The following BAZ2B variants were observed in gnomAD, a reference collection of about 807,000 sequenced individuals.
The protein encoded by BAZ2B is bromodomain adjacent to zinc finger domain 2B.
A neutral mutation model predicts 246.0 loss-of-function variants in BAZ2B; 91 were observed. The ratio of observed to expected loss-of-function variants is 0.37; its 90% CI spans 0.31 to 0.44. The LOEUF is 0.44. Ranked by LOEUF, BAZ2B falls within the 20% of genes least tolerant of loss-of-function variation. The probability of loss-of-function intolerance (pLI) is 1.00; values close to 1 mark genes in which losing one functional copy is unlikely to be tolerated. For missense variants in BAZ2B, 2,332 were observed against 2,533.7 expected (o/e 0.92, Z 1.71); for synonymous variants, 855 against 860.0 (o/e 0.99, Z 0.10).
At chr2:159,578,333 AAAAAG>A (rs1192036163) in intron 1 of BAZ2B, among the ~76,000 whole-genome samples, 1 of 152,224 alleles carries the variant, frequency 6.6e-6, no homozygotes, top group Non-Finnish European at 1.5e-5. Flanking sequence ...AGTTCATAAA[AAAAAG>A]AAAAGTTCTA....
rs770844066 is a variant in BAZ2B at position 159,337,528 on chromosome 2, T to C, written c.5660+39A>G. On this transcript the variant is annotated intron_variant, in intron 32 of 36. Transcript: ENST00000392783. The stretch of plus-strand genomic sequence containing the variant: ...AGTAACTGTGCCCACATTATCCAGT[T>C]TGATCTGAATGGTGGTACTTAAGGG... 8 of 1,613,898 alleles carry C rather than the reference T, an allele frequency of 5.0e-6. No individual in the cohort carries two copies. The East Asian group carries it at 1.8e-4, about 36-fold the overall frequency.
chr2:159,672,067 A>T, the BAZ2B span, among the ~76,000 whole-genome samples: 1 of 152,168 alleles, frequency 6.6e-6, no homozygotes, highest in Non-Finnish European at 1.5e-5. Context: ...TAAACATTCT[A>T]AACTTTTGTA....
At chr2:159,594,176 G>T (rs1365334993) in intron 1 of BAZ2B, among the ~76,000 whole-genome samples, 1 of 152,214 alleles carries the variant, frequency 6.6e-6, no homozygotes, top group Non-Finnish European at 1.5e-5. Context: ...GGCCGAGGCG[G>T]GCGGCCTACC....
intron 33 of BAZ2B, among the ~76,000 whole-genome samples, chr2:159,333,147 G>T (rs1335659300): frequency 6.6e-6 from 1 of 152,094 alleles, no homozygotes; most frequent in African/African-American, 2.4e-5. Context: ...ACTTGTATTA[G>T]TATCATAATT....
chr2:159,408,667 C>G (rs1425607443), intron 14 of BAZ2B, among the ~76,000 whole-genome samples: 3 of 152,022 alleles, frequency 2.0e-5, no homozygotes, highest in Non-Finnish European at 4.4e-5. Flanking sequence ...GTCTGTAATC[C>G]CAGCACTTTG....
chr2:159,524,261 A>T (rs2084476191), intron 2 of BAZ2B, among the ~76,000 whole-genome samples: 1 of 152,044 alleles, frequency 6.6e-6, no homozygotes, highest in South Asian at 2.1e-4. Context: ...CTCTACAAAA[A>T]TTTTAAAAAA....
At chr2:159,466,026 A>C (rs576710191) in intron 3 of BAZ2B, among the ~76,000 whole-genome samples, 4 of 152,226 alleles carry the variant, frequency 2.6e-5, no homozygotes, top group Admixed American at 2.6e-4. Flanking sequence ...TAACATAAAT[A>C]CTCAAAGAAA....
chr2:159,347,798 T>G (rs2058094756), intron 30 of BAZ2B, 152 bp from the exon 31 acceptor site: 1 of 648,650 alleles, frequency 1.5e-6, no homozygotes, highest in Non-Finnish European at 2.6e-6. Context: ...CAGCTTACTC[T>G]TAAAAGTAGA....
the BAZ2B span, among the ~76,000 whole-genome samples, chr2:159,702,662 T>A: frequency 2.6e-5 from 4 of 152,330 alleles, no homozygotes; most frequent in South Asian, 8.3e-4. Flanking sequence ...GTTAAAGGGC[T>A]TACAAGGAAA....
chr2:159,391,293 C>A (rs960152498), intron 20 of BAZ2B, among the ~76,000 whole-genome samples: 2 of 152,118 alleles, frequency 1.3e-5, no homozygotes, highest in African/African-American at 4.8e-5. Flanking sequence ...GTGTCTATGC[C>A]ATATAGCCCA....
At chr2:159,383,768 T>C (rs1379907208) in intron 23 of BAZ2B, 88 bp from the exon 24 acceptor site, 2 of 1,131,204 alleles carry the variant, frequency 1.8e-6, no homozygotes, top group Non-Finnish European at 2.5e-6. Context: ...GATACGTAAA[T>C]TAATGCATTT....
In BAZ2B at chr2:159,349,910, T is replaced by C; in HGVS notation, c.4661A>G (p.Glu1554Gly). 2.5e-6 allele frequency: 4 copies of C among 1,614,190 alleles called. No individual in the cohort carries two copies. The highest frequency in any genetic ancestry group is 3.4e-6 in the Non-Finnish European group (4 of 1,180,012). The change falls in exon 28 of 37, where the codon GAA becomes GGA. Residue 1554 changes from glutamate to glycine, a missense_variant. Glu to Gly is a moderately conservative substitution (Grantham distance 98, BLOSUM62 -2). Coordinates refer to ENST00000392783, the MANE Select transcript of BAZ2B (RefSeq NM_013450.4). The stretch of plus-strand genomic sequence containing the variant: ...AAGACTAAACCATTGTCTATTCTTT[T>C]CAGTCAGCGTTTTTAGTAACTGGTC... The part of the protein sequence containing the change: ...PNDQLLKTLT[E>G]KNRQWFSLLP...
At chr2:159,502,334 A>G (rs981971698) in intron 2 of BAZ2B, among the ~76,000 whole-genome samples, 1 of 35,120 alleles carries the variant, frequency 2.8e-5, no homozygotes, top group Non-Finnish European at 8.5e-5. Flanking sequence ...AAAGCTGTTA[A>G]AAAAAAAAAG....
At chr2:159,315,346 T>C (rs2062014913), downstream of BAZ2B, among the ~76,000 whole-genome samples, 1 of 152,178 alleles carries the variant, frequency 6.6e-6, no homozygotes, top group African/African-American at 2.4e-5. Flanking sequence ...TATTATCTCA[T>C]AGTTTTTGTG....
intron 31 of BAZ2B, among the ~76,000 whole-genome samples, chr2:159,338,226 T>C (rs1035577852): frequency 2.6e-5 from 4 of 152,180 alleles, no homozygotes; most frequent in African/African-American, 9.7e-5. Flanking sequence ...TCTGTATTGC[T>C]TTTCTTTTGC....
rs2062481710 is a variant in BAZ2B, at chr2:159,385,154, C to G, written c.3686+1G>C. On this transcript the variant is annotated splice_donor_variant, in intron 23 of 36. Transcript: ENST00000392783. LOFTEE classifies it high-confidence loss of function. ...ACGGAAAAGCCTGGGCATATGCTCACCTGACCACACTCTTGCTGCATGCCA... is the reference window on the plus strand; with the variant it reads ...ACGGAAAAGCCTGGGCATATGCTCAGCTGACCACACTCTTGCTGCATGCCA... 6.2e-7 allele frequency: 1 copy of G among 1,610,900 alleles called. No homozygotes were observed. Among genetic ancestry groups the G allele is most frequent in the Non-Finnish European group, 8.5e-7 (1 of 1,177,498 alleles).
At chr2:159,698,404 C>T in the BAZ2B span, among the ~76,000 whole-genome samples, 12 of 151,256 alleles carry the variant, frequency 7.9e-5, no homozygotes, top group African/African-American at 2.7e-4. Flanking sequence ...ACCTATGGTC[C>T]CAGCTACTCA....
the BAZ2B span, among the ~76,000 whole-genome samples, chr2:159,696,042 G>A: frequency 3.9e-5 from 6 of 152,142 alleles, no homozygotes; most frequent in East Asian, 1.2e-3. Context: ...TGACAAGTGT[G>A]AGCCACCACA....
chr2:159,685,200 A>G, the BAZ2B span, among the ~76,000 whole-genome samples: 1 of 152,226 alleles, frequency 6.6e-6, no homozygotes, highest in Non-Finnish European at 1.5e-5. Flanking sequence ...AAAAGCTACA[A>G]ATAAAATATA....
Sources: gnomAD v4.1 joint callset for allele counts (sites outside exome capture counted in the v4.1 genomes callset) on GRCh38, gnomAD v4.1.1 for gene constraint, MANE v1.5 for transcripts, NCBI Gene and HGNC (gene_info 2026-07-23, HGNC 2026-07-21) for gene names.